Variants in JDP2 observed in about 807,000 individuals in gnomAD.
The protein encoded by JDP2 is progesterone receptor co-activator.
In JDP2, 9 loss-of-function variants were observed where a neutral mutation model predicts 17.1. That is an observed-to-expected ratio of 0.53 (90% CI 0.32 to 0.92). The LOEUF is 0.92. Ranked by LOEUF, JDP2 falls within the 40% of genes least tolerant of loss-of-function variation. JDP2 has a pLI of 0.04. For missense variants in JDP2, 179 were observed against 220.0 expected (o/e 0.81, Z 1.18); for synonymous variants, 107 against 95.6 (o/e 1.12, Z -0.69).
intron 1 of JDP2, among the ~76,000 whole-genome samples, chr14:75,433,224 A>AAAAAAG (rs1566733607): frequency 1.6e-5 from 2 of 124,644 alleles, no homozygotes; most frequent in Non-Finnish European, 1.6e-5. Context: ...AAAAAAAAAA[A>AAAAAAG]TGTAAGGGGT....
intron 2 of JDP2, among the ~76,000 whole-genome samples, chr14:75,443,670 C>G (rs1885462231): frequency 6.6e-6 from 1 of 152,140 alleles, no homozygotes; most frequent in South Asian, 2.1e-4. Context: ...GATACCATAT[C>G]CAGAGCATTC....
intron 3 of JDP2, among the ~76,000 whole-genome samples, chr14:75,462,509 A>G (rs1336522860): frequency 6.6e-6 from 1 of 152,196 alleles, no homozygotes; most frequent in Non-Finnish European, 1.5e-5. Context: ...CTTTCTACAG[A>G]TAAGGAAACT....
chr14:75,442,971 G>A (rs1023860292), intron 2 of JDP2, among the ~76,000 whole-genome samples: 1 of 152,146 alleles, frequency 6.6e-6, no homozygotes, highest in Non-Finnish European at 1.5e-5. Context: ...GCAGTTTCCT[G>A]TGTGTATTCC....
chr14:75,446,546 C>T (rs1477171449), intron 2 of JDP2, among the ~76,000 whole-genome samples: 3 of 152,104 alleles, frequency 2.0e-5, no homozygotes, highest in African/African-American at 7.2e-5. Context: ...GTAAAAGAAG[C>T]CAGCCACAAG....
intron 2 of JDP2, among the ~76,000 whole-genome samples, chr14:75,450,276 T>G (rs1323522253): frequency 1.3e-5 from 2 of 152,158 alleles, no homozygotes; most frequent in African/African-American, 4.8e-5. Flanking sequence ...GCCTTCCAGT[T>G]GGTCCTGTCA....
At position 75,435,508 on chromosome 14, in the gene JDP2, G is replaced by A. The variant is rs1043601629; in HGVS notation, c.-23-2390G>A. ...GAAAGTCATTCCTTCTGCTGAAGGC[G>A]TCGTTACCTATTGGACCCCAGAAAG... is the stretch of plus-strand genomic sequence containing the variant. On this transcript the variant is annotated intron_variant, in intron 1 of 3. Coordinates refer to ENST00000651602, the MANE Select transcript of JDP2 (RefSeq NM_001135048.2). 4.6e-5 allele frequency among the ~76,000 whole-genome samples: 7 copies of A among 152,262 alleles called. No homozygotes were observed. The East Asian group carries it at 9.6e-4, about 21-fold the overall frequency.
intron 2 of JDP2, among the ~76,000 whole-genome samples, chr14:75,454,214 T>C (rs1353466706): frequency 3.3e-5 from 5 of 150,320 alleles, no homozygotes; most frequent in African/African-American, 1.2e-4. Flanking sequence ...TACACCTTCA[T>C]GTAAATTGTG....
rs558707428 is a variant in JDP2, at chr14:75,441,118, C to CGAGA, written c.201+3009_201+3012dup. Among the ~76,000 whole-genome samples, 188 of 150,338 alleles carry CGAGA rather than the reference C, an allele frequency of 1.3e-3. No individual in the cohort carries two copies. The Middle Eastern group carries it at 0.021, about 17-fold the overall frequency. On this transcript the variant is annotated intron_variant, in intron 2 of 3. Coordinates refer to ENST00000651602, the MANE Select transcript of JDP2 (RefSeq NM_001135048.2). ...CTGCAGCCTTACTGTCTCCTAGTTC[C>CGAGA]GAGAGAGAGAGAGAGGGAGAGAGAG...
chr14:75,447,605 A>T (rs1885659199), intron 2 of JDP2, among the ~76,000 whole-genome samples: 1 of 138,944 alleles, frequency 7.2e-6, no homozygotes, highest in Non-Finnish European at 1.6e-5. Flanking sequence ...GCATTAACTG[A>T]TGAGCATCCT....
At chr14:75,436,057 TACTC>T (rs1339820170) in intron 1 of JDP2, among the ~76,000 whole-genome samples, 1 of 152,154 alleles carries the variant, frequency 6.6e-6, no homozygotes, top group Non-Finnish European at 1.5e-5. Context: ...GGGTGCAAGT[TACTC>T]ACATGCTTTT....
chr14:75,444,184 G>A (rs1259788808), intron 2 of JDP2, among the ~76,000 whole-genome samples: 38 of 152,312 alleles, frequency 2.5e-4, no homozygotes, highest in Non-Finnish European at 1.3e-4. Flanking sequence ...GATTACAGGC[G>A]TGAGCCACCA....
rs1751429215 is a variant in JDP2, at chr14:75,473,745, C to T, written c.*4270C>T. On this transcript the variant is annotated 3_prime_UTR_variant, in exon 4 of 4. Coordinates refer to ENST00000651602, the MANE Select transcript of JDP2 (RefSeq NM_001135048.2). ...AACTGCGGAAGGATACCACTTATGT[C>T]ATATTTCTAACTAAATGTATACGTT... 1 of 152,194 alleles carries T rather than the reference C, an allele frequency of 6.6e-6. No homozygotes were observed. Among genetic ancestry groups the T allele is most frequent in the South Asian group, 2.1e-4 (1 of 4,832 alleles). The allele number at this position is 152,194 out of a possible 1,614,324, so 9.4% of individuals were successfully genotyped here.
intron 2 of JDP2, among the ~76,000 whole-genome samples, chr14:75,439,965 T>TG (rs1162890378): frequency 1.3e-5 from 2 of 152,210 alleles, no homozygotes; most frequent in Admixed American, 6.5e-5. Context: ...GGGATTCGCC[T>TG]GGGGGGCTGA....
At chr14:75,429,033 G>A (rs1594940320) in intron 1 of JDP2, among the ~76,000 whole-genome samples, 2 of 152,178 alleles carry the variant, frequency 1.3e-5, no homozygotes, top group African/African-American at 2.4e-5. Context: ...GCAGTGGGGG[G>A]TGGGAGAGTG....
rs533070622 is a variant in JDP2 at position 75,445,974 on chromosome 14, C to T, written c.201+7853C>T. Among the ~76,000 whole-genome samples the T allele has an allele frequency of 6.8e-4, 103 of 152,026 alleles. 3 individuals carry two copies. The highest frequency in any genetic ancestry group is 5.0e-3 in the South Asian group (24 of 4,814). On this transcript the variant is annotated intron_variant, in intron 2 of 3. Transcript: ENST00000651602. Reference sequence around the variant, plus strand: ...CAGCTCAATAATAAGACAAATAACCCAGTAGAAAAATGGGCAAAAGATCTC... The same window carrying T: ...CAGCTCAATAATAAGACAAATAACCTAGTAGAAAAATGGGCAAAAGATCTC...
intron 2 of JDP2, among the ~76,000 whole-genome samples, chr14:75,456,611 G>A (rs182230560): frequency 8.5e-5 from 13 of 152,106 alleles, no homozygotes; most frequent in Admixed American, 7.9e-4. Context: ...CCCTGACCCC[G>A]TCTTGGAGCT....
At chr14:75,456,223 T>C (rs1886099990) in intron 2 of JDP2, among the ~76,000 whole-genome samples, 1 of 152,200 alleles carries the variant, frequency 6.6e-6, no homozygotes, top group Non-Finnish European at 1.5e-5. Flanking sequence ...ACAGCGTCTT[T>C]CTCTGTGTGT....
Position 75,469,710 on chromosome 14 carries a change from G to C in JDP2, c.*235G>C. 2.0e-6 allele frequency: 1 copy of C among 509,582 alleles called. No homozygotes were observed. The highest frequency in any genetic ancestry group is 3.5e-6 in the Non-Finnish European group (1 of 284,358). The allele number at this position is 509,582 out of a possible 1,614,324, so 31.6% of individuals were successfully genotyped here. On this transcript the variant is annotated 3_prime_UTR_variant, in exon 4 of 4. Transcript: ENST00000651602. Reference sequence around the variant, plus strand: ...AGCGCTGAGACCAAAGTTGACCCTCGGGTAGGGTTGTCCTGCCTGGGGCCC... The same window carrying C: ...AGCGCTGAGACCAAAGTTGACCCTCCGGTAGGGTTGTCCTGCCTGGGGCCC...
rs74965610 is a variant in JDP2 at position 75,428,806 on chromosome 14, G to T, written c.-24+554G>T. Among the ~76,000 whole-genome samples the T allele has an allele frequency of 5.9e-4, 90 of 152,314 alleles. 2 individuals are homozygous for T. The East Asian group carries it at 0.015, about 26-fold the overall frequency. On this transcript the variant is annotated intron_variant, in intron 1 of 3. Transcript: ENST00000651602. The surrounding 1 kb of genome is among the most constrained non-coding windows in gnomAD (Gnocchi z 5.6). Reference sequence around the variant, plus strand: ...GAAGGGCTCGGGATTTCCATCCAATGAAGGCAGCTTCTCTCATGGCCATTG... The same window carrying T: ...GAAGGGCTCGGGATTTCCATCCAATTAAGGCAGCTTCTCTCATGGCCATTG...
Sources: gnomAD v4.1 joint callset for allele counts (sites outside exome capture counted in the v4.1 genomes callset) on GRCh38, gnomAD v4.1.1 for gene constraint, Gnocchi (gnomAD v3.1) non-coding constraint, MANE v1.5 for transcripts, NCBI Gene and HGNC (gene_info 2026-07-23, HGNC 2026-07-21) for gene names.